Variants in EVL observed in about 807,000 individuals in gnomAD.
EVL encodes ena/VASP-like protein.
A neutral mutation model predicts 59.6 loss-of-function variants in EVL; 21 were observed. The observed-to-expected ratio is 0.35, with a 90% CI of 0.25 to 0.51. The LOEUF is 0.51. Among genes scored for constraint, EVL ranks in the 20% least tolerant of loss-of-function variants. The pLI is 0.97. For synonymous variants in EVL, 198 were observed against 203.5 expected (o/e 0.97, Z 0.23); for missense variants, 462 against 546.6 (o/e 0.85, Z 1.54).
intron 1 of EVL, among the ~76,000 whole-genome samples, chr14:100,078,844 A>G (rs2062226114): frequency 6.6e-6 from 1 of 152,214 alleles, no homozygotes; most frequent in South Asian, 2.1e-4. Flanking sequence ...GCTGGTTCAC[A>G]GTCCTACTGG....
chr14:99,999,872 C>T (rs144546892), intron 1 of EVL, among the ~76,000 whole-genome samples: 10 of 152,300 alleles, frequency 6.6e-5, no homozygotes, highest in African/African-American at 2.4e-4. Context: ...GCTCTGTGCT[C>T]ATTTGTCTTT....
intron 2 of EVL, among the ~76,000 whole-genome samples, chr14:100,096,761 C>A (rs1595171122): frequency 6.6e-6 from 1 of 152,208 alleles, no homozygotes; most frequent in Non-Finnish European, 1.5e-5. Context: ...GGTGTTGAAT[C>A]CCCTAGCAGC....
chr14:100,086,046 G>A (rs1485937458), intron 2 of EVL, among the ~76,000 whole-genome samples: 2 of 152,096 alleles, frequency 1.3e-5, no homozygotes, highest in East Asian at 1.9e-4. Context: ...GGAGAATGGC[G>A]TGAACCCAGG....
At chr14:100,049,416 C>T (rs2061610100) in intron 1 of EVL, among the ~76,000 whole-genome samples, 1 of 152,084 alleles carries the variant, frequency 6.6e-6, no homozygotes, top group South Asian at 2.1e-4. Context: ...GTCAGCAGCG[C>T]CCTTGCTTCA....
intron 1 of EVL, among the ~76,000 whole-genome samples, chr14:100,020,627 T>G (rs1050427768): frequency 6.6e-6 from 1 of 152,180 alleles, no homozygotes; most frequent in Admixed American, 6.5e-5. Context: ...GCCTTTTTTA[T>G]TCCTCCAAAT....
At chr14:100,061,940 G>A (rs1474670064), upstream of EVL, among the ~76,000 whole-genome samples, 1 of 151,904 alleles carries the variant, frequency 6.6e-6, no homozygotes, top group Admixed American at 6.6e-5. Flanking sequence ...TGGTCTTGCT[G>A]TCTCGGGGTG....
intron 2 of EVL, among the ~76,000 whole-genome samples, chr14:100,086,560 A>G (rs1349741051): frequency 6.6e-6 from 1 of 152,236 alleles, no homozygotes; most frequent in Non-Finnish European, 1.5e-5. Context: ...GTGTACTGGA[A>G]AGGGCATGGG....
intron 1 of EVL, among the ~76,000 whole-genome samples, chr14:99,997,384 G>A (rs1364665013): frequency 1.3e-5 from 2 of 152,250 alleles, no homozygotes; most frequent in Non-Finnish European, 2.9e-5. Context: ...CATCCTGTAC[G>A]TATTAGTCAG....
intron 1 of EVL, among the ~76,000 whole-genome samples, chr14:100,000,799 G>T (rs755087822): frequency 3.3e-5 from 5 of 152,088 alleles, no homozygotes; most frequent in Admixed American, 1.3e-4. Context: ...GGGGCCCCAA[G>T]ATTTATTTTT....
chr14:100,099,082 C>G (rs1331038494), intron 3 of EVL, among the ~76,000 whole-genome samples: 1 of 151,104 alleles, frequency 6.6e-6, no homozygotes, highest in African/African-American at 2.4e-5. Context: ...GTGGCTCAGG[C>G]CTATAATCCT....
At chr14:100,065,593 T>C (rs1041106796) in intron 1 of EVL, 82 bp downstream of exon 1, 1 of 802,884 alleles carries the variant, frequency 1.2e-6, no homozygotes, top group African/African-American at 1.8e-5. Context: ...CTGTAGAAAT[T>C]ATCTCAGGTC....
Position 100,065,479 on chromosome 14 carries a change from C to T in EVL, c.-22C>T, listed in dbSNP as rs2061911245. ...TACAGGACTCGCCTCCTCAGGGTTC[C>T]CTGTGCTGCCACTTTTCAGCCATGG... is the stretch of plus-strand genomic sequence containing the variant. On this transcript the variant is annotated 5_prime_UTR_variant, in exon 1 of 14. Coordinates refer to ENST00000392920, the MANE Select transcript of EVL (RefSeq NM_016337.3). The T allele has an allele frequency of 6.6e-7, 1 of 1,507,786 alleles. No homozygotes were observed. The highest frequency in any genetic ancestry group is 1.9e-5 in the Admixed American group (1 of 51,858). The allele number at this position is 1,507,786 out of a possible 1,614,324, so 93.4% of individuals were successfully genotyped here.
intron 2 of EVL, among the ~76,000 whole-genome samples, chr14:100,093,816 C>G (rs111654798): frequency 0.039 from 5,977 of 152,230 alleles, 133 homozygotes; most frequent in African/African-American, 0.044. Context: ...TGTGGCTTTG[C>G]TTTCTGAGGT....
At position 100,114,946 on chromosome 14, in the gene EVL, G is replaced by A. The variant is rs1208238256; in HGVS notation, c.359-8593G>A. Among the ~76,000 whole-genome samples the A allele has an allele frequency of 6.6e-6, 1 of 152,084 alleles. No individual in the cohort carries two copies. The highest frequency in any genetic ancestry group is 1.5e-5 in the Non-Finnish European group (1 of 68,016). ...TTCTGTTCCAGCAGCACCGTTCACT[G>A]GAGGCACATGACCTCGGGTAGCTTT... On this transcript the variant is annotated intron_variant, in intron 3 of 13. Transcript: ENST00000392920. This position sits in a 1 kb window ranked among gnomAD's most constrained non-coding sequence, Gnocchi z 5.0.
intron 1 of EVL, among the ~76,000 whole-genome samples, chr14:100,056,061 C>T (rs559972962): frequency 1.8e-4 from 27 of 152,230 alleles, no homozygotes; most frequent in African/African-American, 3.1e-4. Flanking sequence ...CCGCCCACCT[C>T]GGCCTCCCAA....
intron 1 of EVL, among the ~76,000 whole-genome samples, chr14:99,980,230 T>G (rs1566961292): frequency 6.6e-6 from 1 of 152,178 alleles, no homozygotes; most frequent in African/African-American, 2.4e-5. Flanking sequence ...AGACTTAAAT[T>G]ATATTTTTCT....
rs182507696 is a variant in EVL at position 100,060,300 on chromosome 14, G to A, written c.6-24387G>A. Among the ~76,000 whole-genome samples the A allele has an allele frequency of 1.0e-3, 154 of 151,930 alleles. No homozygotes were observed. The Middle Eastern group carries it at 0.01, about 10-fold the overall frequency. On this transcript the variant is annotated intron_variant, in intron 1 of 13. Transcript: ENST00000402714. ...CAAAAAATTAGCCGGGCGTGGTGGC[G>A]GGCGCCTGTAGTCCCAGCTACGCGG...
At chr14:100,124,686 G>A (rs1483491034) in intron 4 of EVL, among the ~76,000 whole-genome samples, 1 of 152,224 alleles carries the variant, frequency 6.6e-6, no homozygotes, top group African/African-American at 2.4e-5. Context: ...CCACAAAAGG[G>A]CGTGAAGGAG....
chr14:100,044,343 T>C (rs944214540), intron 1 of EVL, among the ~76,000 whole-genome samples: 12 of 152,196 alleles, frequency 7.9e-5, no homozygotes, highest in African/African-American at 2.7e-4. Context: ...TTTTTTAATA[T>C]TTTAACTTTC....
Sources: gnomAD v4.1 joint callset for allele counts (sites outside exome capture counted in the v4.1 genomes callset) on GRCh38, gnomAD v4.1.1 for gene constraint, Gnocchi (gnomAD v3.1) non-coding constraint, MANE v1.5 for transcripts, NCBI Gene and HGNC (gene_info 2026-07-23, HGNC 2026-07-21) for gene names.